The following CACNA2D4 variants were observed in gnomAD, a reference collection of about 807,000 sequenced individuals.
CACNA2D4 encodes voltage-dependent calcium channel subunit alpha-2/delta-4.
CACNA2D4 carries 157 observed loss-of-function variants against 163.8 expected under a neutral mutation model. The observed-to-expected ratio is 0.96, with a 90% confidence interval of 0.84 to 1.09. CACNA2D4 has a LOEUF of 1.09. Ranked by LOEUF, CACNA2D4 falls within the 50% of genes least tolerant of loss-of-function variation. The pLI, the probability that CACNA2D4 is intolerant of heterozygous loss-of-function variation, is 0.00. For missense variants in CACNA2D4, 1,410 were observed against 1,479.9 expected, an observed-to-expected ratio of 0.95 and a Z score of 0.78; for synonymous variants, 598 against 586.9, an observed-to-expected ratio of 1.02 and a Z score of -0.27.
At chr12:1,900,607 A>G (rs756345675) in intron 6 of CACNA2D4, among the ~76,000 whole-genome samples, 2 of 152,184 alleles carry the variant, frequency 1.3e-5, no homozygotes, top group Non-Finnish European at 2.9e-5. Flanking sequence ...CCATTCCTTG[A>G]ATGTCATTAG....
At position 1,913,074 on chromosome 12, in the gene CACNA2D4, C is replaced by G. The variant is rs369268682; in HGVS notation, c.375G>C (p.Lys125Asn). ...EEVDGLELVR[K>N]FSEDMENMLR... The stretch of plus-strand genomic sequence containing the variant: ...GCATGTTCTCCATGTCCTCTGAGAA[C>G]TTCCTCACCAGCTCCAAGCCATCCA... Residue 125 changes from lysine to asparagine, a missense_variant, in exon 3 of 38, where the codon AAG (lysine) becomes AAC (asparagine). Lys to Asn is a moderately conservative substitution (Grantham distance 94). Transcript: ENST00000382722. The G allele has an allele frequency of 6.2e-7, 1 of 1,613,928 alleles. No individual in the cohort carries two copies.
intron 27 of CACNA2D4, among the ~76,000 whole-genome samples, chr12:1,810,871 A>G (rs1863683366): frequency 6.6e-6 from 1 of 152,160 alleles, no homozygotes; most frequent in Non-Finnish European, 1.5e-5. Flanking sequence ...TGTGCGTGGT[A>G]TGCATGTGGT....
chr12:1,815,318 G>T (rs1863838671), intron 26 of CACNA2D4, among the ~76,000 whole-genome samples: 2 of 144,164 alleles, frequency 1.4e-5, no homozygotes, highest in Admixed American at 1.3e-4. Context: ...CAGGGCATTT[G>T]TACCAGCTGT....
intron 29 of CACNA2D4, among the ~76,000 whole-genome samples, chr12:1,809,913 G>A (rs1393544918): frequency 6.6e-6 from 1 of 152,230 alleles, no homozygotes; most frequent in Non-Finnish European, 1.5e-5. Flanking sequence ...TCTGATAAGT[G>A]AGTGTGCTTG....
At position 1,800,019 on chromosome 12, in the gene CACNA2D4, CCAGGAGCCCCAGACACTCCACTCCAG is replaced by C. The variant is rs1486003001; in HGVS notation, c.2929_2954del (p.Leu977ValfsTer64). The C allele has an allele frequency of 1.0e-5, 16 of 1,604,508 alleles. No individual in the cohort carries two copies. Among genetic ancestry groups the C allele is most frequent in the Middle Eastern group, 1.6e-4 (1 of 6,068 alleles). Reference sequence around the variant, plus strand: ...ACTCACCCTCGGCCCCTCTGTCGTACCAGGAGCCCCAGACACTCCACTCCAGCAGGAACCTGTCAGACACAGGACTG... The same window carrying C: ...ACTCACCCTCGGCCCCTCTGTCGTACCAGGAACCTGTCAGACACAGGACTG... On this transcript the variant is annotated frameshift_variant, in exon 33 of 38. Coordinates refer to ENST00000382722, the MANE Select transcript of CACNA2D4 (RefSeq NM_172364.5). LOFTEE classifies it high-confidence loss of function.
chr12:1,800,597 TCCCCCCA>T (rs1863282690), intron 31 of CACNA2D4, 159 bp from the exon 32 acceptor site: 1 of 636,820 alleles, frequency 1.6e-6, no homozygotes, highest in South Asian at 1.8e-5. Context: ...GCACCCCCCA[TCCCCCCA>T]CCTCCCACCT....
Position 1,802,606 on chromosome 12 carries a change from C to T in CACNA2D4, c.2722-962G>A, listed in dbSNP as rs573561038. 9.2e-5 allele frequency among the ~76,000 whole-genome samples: 14 copies of T among 152,310 alleles called. No homozygotes were observed. Among genetic ancestry groups the T allele is most frequent in the African/African-American group, 2.6e-4 (11 of 41,564 alleles). ...GAGCTTGGGCTTTGGTGTTGGATTTCGACTTTAATGTAGGCTGTCTTTAAA... is the reference window on the plus strand; with the variant it reads ...GAGCTTGGGCTTTGGTGTTGGATTTTGACTTTAATGTAGGCTGTCTTTAAA... On this transcript the variant is annotated intron_variant, in intron 29 of 37. Coordinates refer to ENST00000382722, the MANE Select transcript of CACNA2D4 (RefSeq NM_172364.5). This position sits in a 1 kb window ranked among gnomAD's most constrained non-coding sequence, Gnocchi z 4.7.
intron 1 of CACNA2D4, among the ~76,000 whole-genome samples, chr12:1,916,661 G>A (rs1463118857): frequency 6.6e-6 from 1 of 152,218 alleles, no homozygotes; most frequent in African/African-American, 2.4e-5. Context: ...CAAGGACTGG[G>A]ATAAAAGAAG....
intron 6 of CACNA2D4, among the ~76,000 whole-genome samples, chr12:1,901,229 C>T (rs770770993): frequency 2.3e-4 from 35 of 152,020 alleles, no homozygotes; most frequent in African/African-American, 7.7e-4. Flanking sequence ...TGTAGCTTTA[C>T]GTGTCTACAT....
In CACNA2D4 at chr12:1,798,926, G is replaced by T. The variant is rs1254234810; in HGVS notation, c.2995+749C>A. ...CCGAACTGCCCTGAGCCCAGGGGCA[G>T]AGGAAGCCCCAAGCCAAGGCCAGCA... On this transcript the variant is annotated intron_variant, in intron 34 of 37. Coordinates refer to ENST00000382722, the MANE Select transcript of CACNA2D4 (RefSeq NM_172364.5). The surrounding 1 kb of genome is among the most constrained non-coding windows in gnomAD (Gnocchi z 4.3). Among the ~76,000 whole-genome samples, 1 of 152,210 alleles carries T rather than the reference G, an allele frequency of 6.6e-6. No individual in the cohort carries two copies. The highest frequency in any genetic ancestry group is 2.4e-5 in the African/African-American group (1 of 41,452).
intron 2 of CACNA2D4, 81 bp from the exon 3 acceptor site, chr12:1,913,220 C>T: frequency 1.1e-6 from 1 of 934,548 alleles, no homozygotes; most frequent in Non-Finnish European, 1.7e-6. Context: ...GGCCTCCAAC[C>T]TCTCCACAGA....
Position 1,793,348 on chromosome 12 carries a change from G to T in CACNA2D4, c.*307C>A. 1 of 455,046 alleles carries T rather than the reference G, an allele frequency of 2.2e-6. No homozygotes were observed. The highest frequency in any genetic ancestry group is 2.7e-5 in the South Asian group (1 of 36,750). The allele number at this position is 455,046 out of a possible 1,614,324, so 28.2% of individuals were successfully genotyped here. A position where few individuals can be genotyped will look rare whatever the true frequency, so the allele number is the denominator to read the frequency against. Reference sequence around the variant, plus strand: ...AGGAAGAACTAAATTATTTTGTCTTGGTCCAAGCTGAGCTCACGCTGGCTT... The same window carrying T: ...AGGAAGAACTAAATTATTTTGTCTTTGTCCAAGCTGAGCTCACGCTGGCTT... On this transcript the variant is annotated 3_prime_UTR_variant, in exon 38 of 38. Coordinates refer to ENST00000382722, the MANE Select transcript of CACNA2D4 (RefSeq NM_172364.5).
intron 23 of CACNA2D4, among the ~76,000 whole-genome samples, chr12:1,852,027 T>C (rs1174281197): frequency 2.0e-5 from 3 of 152,184 alleles, no homozygotes; most frequent in Non-Finnish European, 2.9e-5. Flanking sequence ...ATATCTTCTA[T>C]CTTTTTTGTG....
intron 29 of CACNA2D4, among the ~76,000 whole-genome samples, chr12:1,808,824 C>T (rs902383374): frequency 6.6e-6 from 1 of 152,224 alleles, no homozygotes; most frequent in African/African-American, 2.4e-5. Flanking sequence ...CTCTTATCAT[C>T]ACTGGTTTTC....
chr12:1,810,163 C>A, intron 29 of CACNA2D4, 115 bp downstream of exon 29: 1 of 814,538 alleles, frequency 1.2e-6, no homozygotes. Flanking sequence ...CTGAATTGGC[C>A]CCGAACAGGG....
chr12:1,886,887 T>C (rs1866158659), intron 7 of CACNA2D4, 122 bp downstream of exon 7: 1 of 666,440 alleles, frequency 1.5e-6, no homozygotes, highest in Non-Finnish European at 2.7e-6. Context: ...GCTAGGGTTC[T>C]ACACACCCAA....
chr12:1,867,023 G>A (rs1865666396), intron 18 of CACNA2D4, among the ~76,000 whole-genome samples: 1 of 151,948 alleles, frequency 6.6e-6, no homozygotes, highest in Non-Finnish European at 1.5e-5. Flanking sequence ...TTCTTCTCTT[G>A]GCACTTTAAC....
At chr12:1,888,202 T>G (rs1361546540) in intron 6 of CACNA2D4, among the ~76,000 whole-genome samples, 1 of 152,182 alleles carries the variant, frequency 6.6e-6, no homozygotes, top group Admixed American at 6.6e-5. Context: ...ATGGGGAATT[T>G]GATCCTTAGA....
At chr12:1,825,386 T>C (rs937320092) in intron 26 of CACNA2D4, among the ~76,000 whole-genome samples, 2 of 152,306 alleles carry the variant, frequency 1.3e-5, no homozygotes, top group African/African-American at 4.8e-5. Context: ...GACACCTGGA[T>C]GGGGAATCCG....
Sources: gnomAD v4.1 joint callset for allele counts (sites outside exome capture counted in the v4.1 genomes callset) on GRCh38, gnomAD v4.1.1 for gene constraint, Gnocchi (gnomAD v3.1) non-coding constraint, MANE v1.5 for transcripts, NCBI Gene and HGNC (gene_info 2026-07-23, HGNC 2026-07-21) for gene names.